Variants in PCDHA6 observed in about 807,000 individuals in gnomAD.
PCDHA6 encodes the protein protocadherin alpha 6.
PCDHA6 carries 55 observed loss-of-function variants against 60.3 expected under a neutral mutation model. The ratio of observed to expected loss-of-function variants is 0.91; its 90% CI spans 0.73 to 1.14. The LOEUF is 1.14. Ranked by LOEUF, PCDHA6 falls within the 50% of genes most tolerant of loss-of-function variation. The pLI is 0.00. For synonymous variants in PCDHA6, 652 were observed against 557.9 expected, an observed-to-expected ratio of 1.17 and a Z score of -2.38; for missense variants, 1,327 against 1,256.5, an observed-to-expected ratio of 1.06 and a Z score of -0.85.
intron 1 of PCDHA6, chr5:140,870,813 C>A: frequency 3.7e-6 from 6 of 1,613,700 alleles, no homozygotes; most frequent in Non-Finnish European, 5.1e-6. Context: ...CTCAGGCTGG[C>A]AGCGCGGGAG....
chr5:140,857,650 G>T, intron 1 of PCDHA6: 1 of 1,596,744 alleles, frequency 6.3e-7, no homozygotes, highest in East Asian at 2.2e-5. Flanking sequence ...AGTTCCAGGT[G>T]AGCGCGCGCG....
intron 1 of PCDHA6, among the ~76,000 whole-genome samples, chr5:140,947,890 G>A (rs1233922642): frequency 1.3e-5 from 2 of 151,506 alleles, no homozygotes; most frequent in African/African-American, 4.8e-5. Context: ...AATATAAACA[G>A]AAGTGGTGAG....
intron 1 of PCDHA6, among the ~76,000 whole-genome samples, chr5:140,954,349 G>A (rs554018151): frequency 2.0e-4 from 31 of 152,312 alleles, no homozygotes; most frequent in Admixed American, 1.8e-3. Flanking sequence ...AGATCTTTGA[G>A]GAATCGCCAC....
Position 141,011,329 on chromosome 5 carries a change from T to G in PCDHA6, c.*1392T>G, listed in dbSNP as rs924246191. 6.5e-6 allele frequency: 1 copy of G among 153,804 alleles called. No homozygotes were observed. Among genetic ancestry groups the G allele is most frequent in the African/African-American group, 2.4e-5 (1 of 41,472 alleles). 9.5% of individuals were successfully genotyped at this position (153,804 alleles called of 1,614,324 possible). ...TTGCTAATCTTACTAACACCTATGA[T>G]GTTACCTGAAATCAATCTCCCATAT... is the stretch of plus-strand genomic sequence containing the variant. On this transcript the variant is annotated 3_prime_UTR_variant, in exon 4 of 4. Coordinates refer to ENST00000529310, the MANE Select transcript of PCDHA6 (RefSeq NM_018909.4).
intron 1 of PCDHA6, chr5:140,927,167 C>A (rs782612848): frequency 6.2e-7 from 1 of 1,614,164 alleles, no homozygotes; most frequent in Admixed American, 1.7e-5. Context: ...GCCAAAGCTG[C>A]CTGCGTCTTG....
At chr5:140,982,312 T>C in intron 2 of PCDHA6, 163 bp from the exon 3 acceptor site, 1 of 1,315,948 alleles carries the variant, frequency 7.6e-7, no homozygotes, top group Non-Finnish European at 1.0e-6. Context: ...TTCTGCAGTT[T>C]ATGCAGGGTG....
chr5:140,954,824 C>A (rs1167171102), intron 1 of PCDHA6, among the ~76,000 whole-genome samples: 1 of 152,068 alleles, frequency 6.6e-6, no homozygotes, highest in Admixed American at 6.6e-5. Flanking sequence ...GCTTTAGGCA[C>A]TTTTGTCATG....
At chr5:140,864,420 G>T (rs1430010861) in intron 1 of PCDHA6, 1 of 152,158 alleles carries the variant, frequency 6.6e-6, no homozygotes, top group African/African-American at 2.4e-5. Context: ...AGGCAGCTTC[G>T]TCCACAAACA....
chr5:141,006,383 T>C (rs1431976303), intron 3 of PCDHA6, among the ~76,000 whole-genome samples: 1 of 151,992 alleles, frequency 6.6e-6, no homozygotes, highest in African/African-American at 2.4e-5. Context: ...GGCTAAGTTT[T>C]TTCTATTTTT....
intron 1 of PCDHA6, chr5:140,857,508 C>A: frequency 6.3e-7 from 1 of 1,598,226 alleles, no homozygotes; most frequent in African/African-American, 1.3e-5. Flanking sequence ...CAGGAGAACG[C>A]CCTGGTGTCC....
chr5:140,831,488 T>TAGC (rs2150194785), intron 1 of PCDHA6, among the ~76,000 whole-genome samples: 86,389 of 148,520 alleles, frequency 0.58, 25,934 homozygotes, highest in African/African-American at 0.72. Context: ...GCCTCTGGAG[T>TAGC]TACTACACAC....
chr5:140,927,417 G>T (rs74597681), intron 1 of PCDHA6: 1 of 1,614,100 alleles, frequency 6.2e-7, no homozygotes, highest in Non-Finnish European at 8.5e-7. Flanking sequence ...ACATGGGATC[G>T]CGGGTTGACG....
intron 1 of PCDHA6, chr5:140,843,260 C>T: frequency 6.3e-7 from 1 of 1,596,130 alleles, no homozygotes; most frequent in Non-Finnish European, 8.6e-7. Flanking sequence ...GCGCCACCGT[C>T]TGCTGGTCCT....
chr5:140,974,578 C>A (rs1554236214), intron 1 of PCDHA6, among the ~76,000 whole-genome samples: 1 of 152,170 alleles, frequency 6.6e-6, no homozygotes, highest in Non-Finnish European at 1.5e-5. Flanking sequence ...ATGGCATGAT[C>A]TTGGCTCACT....
intron 1 of PCDHA6, chr5:140,861,505 A>G: frequency 2.1e-6 from 1 of 482,692 alleles, no homozygotes; most frequent in African/African-American, 2.0e-5. Flanking sequence ...ATAGACCTCG[A>G]GGAGCTGTGT....
intron 1 of PCDHA6, among the ~76,000 whole-genome samples, chr5:140,898,790 AT>A (rs1193457354): frequency 2.6e-5 from 4 of 152,112 alleles, no homozygotes; most frequent in African/African-American, 7.2e-5. Flanking sequence ...CAGTATGGCC[AT>A]TTTCACGATA....
At chr5:140,987,235 TAAAG>T (rs1182642222) in intron 3 of PCDHA6, among the ~76,000 whole-genome samples, 2 of 151,266 alleles carry the variant, frequency 1.3e-5, no homozygotes, top group African/African-American at 2.4e-5. Flanking sequence ...AAATAATAAA[TAAAG>T]AAAGAAAGAC....
intron 1 of PCDHA6, chr5:140,884,511 G>A (rs1202323930): frequency 6.2e-7 from 1 of 1,614,192 alleles, no homozygotes; most frequent in Non-Finnish European, 8.5e-7. Flanking sequence ...GCAGGGAGTT[G>A]GTCGTACTCG....
At chr5:140,870,081 T>A (rs782572380) in intron 1 of PCDHA6, 1 of 1,613,698 alleles carries the variant, frequency 6.2e-7, no homozygotes, top group East Asian at 2.2e-5. Flanking sequence ...ATAAGGGGAC[T>A]CCCCCAATGG....
Sources: gnomAD v4.1 joint callset for allele counts (sites outside exome capture counted in the v4.1 genomes callset) on GRCh38, gnomAD v4.1.1 for gene constraint, MANE v1.5 for transcripts, NCBI Gene and HGNC (gene_info 2026-07-23, HGNC 2026-07-21) for gene names.